Variants in AGL observed in about 807,000 individuals in gnomAD.
The protein encoded by AGL is amylo-alpha-1,6-glucosidase and 4-alpha-glucanotransferase.
A neutral mutation model predicts 199.3 loss-of-function variants in AGL; 128 were observed. That is an observed-to-expected ratio of 0.64 (90% CI 0.56 to 0.74). The LOEUF (loss-of-function observed/expected upper bound fraction) is 0.74. AGL is among the 30% of genes least tolerant of loss of function. AGL has a pLI of 0.00. For missense variants in AGL, 1,809 were observed against 1,820.8 expected (o/e 0.99, Z 0.12); for synonymous variants, 584 against 594.7 (o/e 0.98, Z 0.26).
intron 25 of AGL, among the ~76,000 whole-genome samples, chr1:99,897,090 CAGGCGTGAGCCACCGT>C (rs1232656324): frequency 6.6e-6 from 1 of 152,234 alleles, no homozygotes; most frequent in Admixed American, 6.5e-5. Context: ...GCTGGGATTA[CAGGCGTGAGCCACCGT>C]GCCCGGCCGT....
intron 27 of AGL, among the ~76,000 whole-genome samples, chr1:99,905,906 A>C (rs1271763131): frequency 1.3e-5 from 2 of 152,018 alleles, no homozygotes; most frequent in Non-Finnish European, 2.9e-5. Flanking sequence ...ATAATTGTAT[A>C]ATTGGAGTGC....
intron 33 of AGL, among the ~76,000 whole-genome samples, chr1:99,917,786 A>G (rs1000171395): frequency 2.6e-5 from 4 of 152,164 alleles, no homozygotes; most frequent in Non-Finnish European, 5.9e-5. Flanking sequence ...CAAGTAAGGT[A>G]TAAAGATCCT....
intron 6 of AGL, 56 bp from the exon 7 acceptor site, chr1:99,870,702 C>G: frequency 7.0e-7 from 1 of 1,431,272 alleles, no homozygotes. Flanking sequence ...ATTTGCTTAA[C>G]TGATTTTAAA....
At chr1:99,914,322 C>T (rs918697534) in intron 30 of AGL, among the ~76,000 whole-genome samples, 1 of 152,212 alleles carries the variant, frequency 6.6e-6, no homozygotes, top group Admixed American at 6.5e-5. Context: ...AACTAGTGAA[C>T]TAAAGTGGAT....
chr1:99,881,377 G>A lies in AGL; in HGVS notation c.2087G>A (p.Ser696Asn). The A allele has an allele frequency of 6.2e-7, 1 of 1,614,154 alleles. No individual in the cohort carries two copies. Among genetic ancestry groups the A allele is most frequent in the Non-Finnish European group, 8.5e-7 (1 of 1,180,008 alleles). ...PSNTGEVNFQSGIIAARCAIS... is the reference protein window; with the variant it reads ...PSNTGEVNFQNGIIAARCAIS... ...AACACAGGTGAAGTTAATTTCCAAA[G>A]CGGCATTATTGCAGCCAGGTGTGCT... Residue 696 changes from serine (S) to asparagine (N), a missense_variant, in exon 16 of 34, where the codon AGC (serine) becomes AAC (asparagine). By Grantham distance (46) the Ser-to-Asn change is conservative. Transcript: ENST00000361915.
intron 24 of AGL, 139 bp from the exon 25 acceptor site, chr1:99,896,147 A>G (rs1399044026): frequency 1.4e-6 from 1 of 722,320 alleles, no homozygotes; most frequent in Non-Finnish European, 2.4e-6. Flanking sequence ...TTTGCAAATA[A>G]TTTTAGAGGG....
chr1:99,856,739 T>C (rs888697084), intron 2 of AGL, among the ~76,000 whole-genome samples: 2 of 152,098 alleles, frequency 1.3e-5, no homozygotes, highest in Non-Finnish European at 2.9e-5. Flanking sequence ...CAGCACATGT[T>C]TCAGAGAGCA....
intron 10 of AGL, among the ~76,000 whole-genome samples, chr1:99,875,750 C>T (rs1328516440): frequency 6.6e-6 from 1 of 152,178 alleles, no homozygotes; most frequent in African/African-American, 2.4e-5. Flanking sequence ...CATCTGGCTC[C>T]TTACTTTGTA....
intron 27 of AGL, among the ~76,000 whole-genome samples, chr1:99,904,404 C>T (rs1303297581): frequency 1.3e-5 from 2 of 152,200 alleles, no homozygotes; most frequent in Non-Finnish European, 2.9e-5. Context: ...ATGAACTCTT[C>T]ACCCAGTACA....
At position 99,874,634 on chromosome 1, in the gene AGL, A is replaced by T. The variant is rs184400307; in HGVS notation, c.959-53A>T. On this transcript the variant is annotated intron_variant, in intron 7 of 33. Transcript: ENST00000361915. ...CAAAAATTAGAAAATAGTGACAGTT[A>T]TAATCTCTTTGTAGATATTTGCATT... The T allele has an allele frequency of 1.6e-3, 2,369 of 1,506,294 alleles. 1 individual carries two copies. The highest frequency in any genetic ancestry group is 3.1e-3 in the Middle Eastern group (17 of 5,462). 93.3% of individuals were successfully genotyped at this position (1,506,294 alleles called of 1,614,324 possible).
intron 2 of AGL, among the ~76,000 whole-genome samples, chr1:99,855,675 C>T (rs1571214167): frequency 6.6e-6 from 1 of 152,176 alleles, no homozygotes; most frequent in East Asian, 1.9e-4. Flanking sequence ...GTGACATGCA[C>T]CTGTAGTCCC....
intron 2 of AGL, among the ~76,000 whole-genome samples, chr1:99,857,596 G>C (rs1242914617): frequency 1.3e-5 from 2 of 151,722 alleles, no homozygotes; most frequent in African/African-American, 4.8e-5. Context: ...GATCACTCGC[G>C]GTTAGGAGCT....
chr1:99,911,550 C>A (rs1654755338), intron 28 of AGL, among the ~76,000 whole-genome samples: 1 of 152,156 alleles, frequency 6.6e-6, no homozygotes. Flanking sequence ...TCAAGCAATT[C>A]TCCTGTCTCA....
chr1:99,874,576 A>G, intron 7 of AGL, 111 bp from the exon 8 acceptor site: 2 of 1,044,388 alleles, frequency 1.9e-6, no homozygotes, highest in Non-Finnish European at 2.8e-6. Flanking sequence ...TGAAATAAAT[A>G]TTTGTTTTAT....
Position 99,892,597 on chromosome 1 carries a change from T to A in AGL, c.3249T>A (p.Ser1083=). The change falls in exon 24 of 34, where the codon TCT becomes TCA. Residue 1083 remains serine (S), a synonymous_variant. Transcript: ENST00000361915. ...ITKEKEQCCV[S]LAAGLPHFSS... ...AAGAAAAGGAGCAATGTTGTGTTTC[T>A]CTAGCTGCAGGTAAGGAATTATGTA... 1 of 1,613,376 alleles carries A rather than the reference T, an allele frequency of 6.2e-7. No individual in the cohort carries two copies. Among genetic ancestry groups the A allele is most frequent in the Non-Finnish European group, 8.5e-7 (1 of 1,179,542 alleles).
intron 20 of AGL, among the ~76,000 whole-genome samples, chr1:99,886,614 C>A (rs189897200): frequency 2.2e-4 from 33 of 152,264 alleles, no homozygotes; most frequent in African/African-American, 7.9e-4. Flanking sequence ...TGTTACTAAT[C>A]AAACTGGTAA....
At chr1:99,849,443 A>C (rs979533528), upstream of AGL, among the ~76,000 whole-genome samples, 11 of 152,182 alleles carry the variant, frequency 7.2e-5, no homozygotes, top group Admixed American at 2.6e-4. Flanking sequence ...CTCCTTAAGC[A>C]TCTGCAAAAA....
rs751112302 is a variant in AGL, at chr1:99,874,811, G to C, written c.1082+1G>C. The C allele has an allele frequency of 6.2e-7, 1 of 1,613,324 alleles. No individual in the cohort carries two copies. Among genetic ancestry groups the C allele is most frequent in the Non-Finnish European group, 8.5e-7 (1 of 1,179,546 alleles). ...CACTAACGACTTTCATACCACATGA[G>C]TATGTAATGTGTTTTTTTCTGTGAA... On this transcript the variant is annotated splice_donor_variant, in intron 8 of 33. Coordinates refer to ENST00000361915, the MANE Select transcript of AGL (RefSeq NM_000642.3). LOFTEE classifies it high-confidence loss of function.
In AGL at chr1:99,870,421, A is replaced by G. The variant is rs17121403; in HGVS notation, c.686A>G (p.Gln229Arg). The G allele has an allele frequency of 0.024, 38,999 of 1,613,906 alleles. 969 individuals carry two copies. The highest frequency in any genetic ancestry group is 0.096 in the African/African-American group (7,221 of 75,012). ...TCAGCTGCTAATAGTAAATGGATCCAGGAACATCCAGAATGTGCCTATAAT... is the reference window on the plus strand; with the variant it reads ...TCAGCTGCTAATAGTAAATGGATCCGGGAACATCCAGAATGTGCCTATAAT... ...NHTAANSKWIQEHPECAYNLV... is the reference protein window; with the variant it reads ...NHTAANSKWIREHPECAYNLV... Residue 229 changes from glutamine to arginine, a missense_variant, in exon 6 of 34, where the codon CAG (glutamine) becomes CGG (arginine). Coordinates refer to ENST00000361915, the MANE Select transcript of AGL (RefSeq NM_000642.3).
Sources: gnomAD v4.1 joint callset for allele counts (sites outside exome capture counted in the v4.1 genomes callset) on GRCh38, gnomAD v4.1.1 for gene constraint, MANE v1.5 for transcripts, NCBI Gene and HGNC (gene_info 2026-07-23, HGNC 2026-07-21) for gene names.